PSMC5: variants seen among roughly 807,000 people sequenced by gnomAD.
PSMC5 encodes 26S proteasome regulatory subunit 8.
PSMC5 carries 11 observed loss-of-function variants against 49.1 expected under a neutral mutation model. The ratio of observed to expected loss-of-function variants is 0.22; its 90% CI spans 0.14 to 0.37. PSMC5 has a LOEUF of 0.37. Among genes scored for constraint, PSMC5 ranks in the 10% least tolerant of loss-of-function variants. The pLI, the probability that PSMC5 is intolerant of heterozygous loss-of-function variation, is 1.00. For synonymous variants in PSMC5, 206 were observed against 192.2 expected (o/e 1.07, Z -0.59); for missense variants, 229 against 520.9 (o/e 0.44, Z 5.45).
In PSMC5 at chr17:63,830,802, C is replaced by T; in HGVS notation, c.553-7C>T. 4 of 1,613,902 alleles carry T rather than the reference C, an allele frequency of 2.5e-6. No individual in the cohort carries two copies. The highest frequency in any genetic ancestry group is 3.4e-6 in the Non-Finnish European group (4 of 1,179,926). On this transcript the variant is annotated splice_region_variant and splice_polypyrimidine_tract_variant and intron_variant, in intron 6 of 11. Coordinates refer to ENST00000310144, the MANE Select transcript of PSMC5 (RefSeq NM_002805.6). This position sits in a 1 kb window ranked among gnomAD's most constrained non-coding sequence, Gnocchi z 4.0. The stretch of plus-strand genomic sequence containing the variant: ...TTTCTGCCCTGAGTCCTGCTGTTCC[C>T]CTGTAGGGAGTGCTGCTGTATGGAC...
intron 1 of PSMC5, chr17:63,827,775 C>T (rs540797823): frequency 7.0e-7 from 1 of 1,431,080 alleles, no homozygotes; most frequent in African/African-American, 1.4e-5. Context: ...GCCCACGGGT[C>T]GCAGGAGACG....
rs372100623 is a variant in PSMC5, at chr17:63,830,246, T to C, written c.322-25T>C. On this transcript the variant is annotated intron_variant, in intron 5 of 11. Transcript: ENST00000310144. The surrounding 1 kb of genome is among the most constrained non-coding windows in gnomAD (Gnocchi z 4.0). Reference sequence around the variant, plus strand: ...TGGGGTCAGCTCTTACTGTACCACTTCTGAAACTCGCCCCCTTCACCCAGG... The same window carrying C: ...TGGGGTCAGCTCTTACTGTACCACTCCTGAAACTCGCCCCCTTCACCCAGG... The C allele has an allele frequency of 5.0e-6, 8 of 1,614,116 alleles. No homozygotes were observed. Among genetic ancestry groups the C allele is most frequent in the Non-Finnish European group, 6.8e-6 (8 of 1,179,992 alleles).
Position 63,831,912 on chromosome 17 carries a change from CT to C in PSMC5, c.1168-3del. 6.2e-7 allele frequency: 1 copy of C among 1,614,010 alleles called. No individual in the cohort carries two copies. Among genetic ancestry groups the C allele is most frequent in the Non-Finnish European group, 8.5e-7 (1 of 1,179,862 alleles). On this transcript the variant is annotated splice_region_variant and splice_polypyrimidine_tract_variant and intron_variant, in intron 11 of 11. Coordinates refer to ENST00000310144, the MANE Select transcript of PSMC5 (RefSeq NM_002805.6). The surrounding 1 kb of genome is among the most constrained non-coding windows in gnomAD (Gnocchi z 6.3). ...TTAATGTTCATTCTCTCTCCCACCC[CT>C]AGGTCATGCAGAAGGACAGTGAGAA...
At chr17:63,827,927 G>C in intron 1 of PSMC5, 1 of 1,357,944 alleles carries the variant, frequency 7.4e-7, no homozygotes, top group Non-Finnish European at 9.7e-7. Flanking sequence ...GTATGAGGTA[G>C]GCGGCGTTCC....
Position 63,830,550 on chromosome 17 carries a change from T to A in PSMC5, c.552+49T>A. ...AGGGCCAAGCTGTACTTACTCCTCC[T>A]GCCCCAGCCAGCCCTACTGCAGGGG... On this transcript the variant is annotated intron_variant, in intron 6 of 11. Coordinates refer to ENST00000310144, the MANE Select transcript of PSMC5 (RefSeq NM_002805.6). This position sits in a 1 kb window ranked among gnomAD's most constrained non-coding sequence, Gnocchi z 4.0. The A allele has an allele frequency of 3.1e-6, 5 of 1,597,646 alleles. No individual in the cohort carries two copies. The highest frequency in any genetic ancestry group is 1.7e-4 in the Middle Eastern group (1 of 5,990).
rs2040170840 is a variant in PSMC5, at chr17:63,830,566, A to G, written c.552+65A>G. Reference sequence around the variant, plus strand: ...TACTCCTCCTGCCCCAGCCAGCCCTACTGCAGGGGTTGGGGAGGCACCGGG... The same window carrying G: ...TACTCCTCCTGCCCCAGCCAGCCCTGCTGCAGGGGTTGGGGAGGCACCGGG... On this transcript the variant is annotated intron_variant, in intron 6 of 11. Transcript: ENST00000310144. This position sits in a 1 kb window ranked among gnomAD's most constrained non-coding sequence, Gnocchi z 4.0. 1.3e-6 allele frequency: 2 copies of G among 1,580,510 alleles called. No homozygotes were observed. Among genetic ancestry groups the G allele is most frequent in the South Asian group, 1.1e-5 (1 of 88,062 alleles).
intron 1 of PSMC5, 84 bp downstream of exon 1, chr17:63,827,598 A>C: frequency 5.2e-6 from 8 of 1,550,236 alleles, no homozygotes; most frequent in Non-Finnish European, 7.0e-6. Flanking sequence ...GGGCCGGGGC[A>C]GGAGCGTCGG....
In PSMC5 at chr17:63,830,702, T is replaced by C; in HGVS notation, c.553-107T>C. On this transcript the variant is annotated intron_variant, in intron 6 of 11. Transcript: ENST00000310144. This position sits in a 1 kb window ranked among gnomAD's most constrained non-coding sequence, Gnocchi z 4.0. The stretch of plus-strand genomic sequence containing the variant: ...GAAGGGACCTTGATGTTCCTTTTTT[T>C]TTTTTGTATCCCTAACATCTAGCAA... 1 of 1,463,744 alleles carries C rather than the reference T, an allele frequency of 6.8e-7. No homozygotes were observed. The highest frequency in any genetic ancestry group is 1.4e-5 in the South Asian group (1 of 72,528). 90.7% of individuals were successfully genotyped at this position (1,463,744 alleles called of 1,614,324 possible).
chr17:63,829,926 G>C lies in PSMC5; in HGVS notation c.241G>C (p.Asp81His). Residue 81 changes from aspartate (D) to histidine (H), a missense_variant, in exon 4 of 12, where the codon GAT becomes CAT. By Grantham distance (81) the Asp-to-His change is moderately conservative. Transcript: ENST00000310144. ...SYVGEVVRAM[D>H]KKKVLVKVHP... Reference sequence around the variant, plus strand: ...TGTGGGGGAAGTAGTCCGGGCCATGGATAAGAAGAAAGTGTTGGTCAAGGT... The same window carrying C: ...TGTGGGGGAAGTAGTCCGGGCCATGCATAAGAAGAAAGTGTTGGTCAAGGT... 1.2e-6 allele frequency: 2 copies of C among 1,612,076 alleles called. No individual in the cohort carries two copies. Among genetic ancestry groups the C allele is most frequent in the Non-Finnish European group, 1.7e-6 (2 of 1,179,106 alleles).
At position 63,830,518 on chromosome 17, in the gene PSMC5, C is replaced by T. The variant is rs779502406; in HGVS notation, c.552+17C>T. 4 of 1,612,806 alleles carry T rather than the reference C, an allele frequency of 2.5e-6. No homozygotes were observed. The highest frequency in any genetic ancestry group is 4.5e-5 in the East Asian group (2 of 44,892). On this transcript the variant is annotated intron_variant, in intron 6 of 11. Coordinates refer to ENST00000310144, the MANE Select transcript of PSMC5 (RefSeq NM_002805.6). The surrounding 1 kb of genome is among the most constrained non-coding windows in gnomAD (Gnocchi z 4.0). ...CAGCCCAAGGTGAGGAGCAGGGCTT[C>T]TCTGAGAGGGCCAAGCTGTACTTAC...
Position 63,830,263 on chromosome 17 carries a change from T to A in PSMC5, c.322-8T>A, listed in dbSNP as rs1457442616. The A allele has an allele frequency of 6.2e-7, 1 of 1,614,118 alleles. No individual in the cohort carries two copies. The highest frequency in any genetic ancestry group is 1.7e-5 in the Admixed American group (1 of 60,002). On this transcript the variant is annotated splice_region_variant and splice_polypyrimidine_tract_variant and intron_variant, in intron 5 of 11. Coordinates refer to ENST00000310144, the MANE Select transcript of PSMC5 (RefSeq NM_002805.6). This position sits in a 1 kb window ranked among gnomAD's most constrained non-coding sequence, Gnocchi z 4.0. The stretch of plus-strand genomic sequence containing the variant: ...GTACCACTTCTGAAACTCGCCCCCT[T>A]CACCCAGGTGACACCCAATTGCCGG...
At position 63,831,494 on chromosome 17, in the gene PSMC5, T is replaced by A. The variant is rs1362317051; in HGVS notation, c.970-12T>A. 1 of 1,613,848 alleles carries A rather than the reference T, an allele frequency of 6.2e-7. No individual in the cohort carries two copies. On this transcript the variant is annotated splice_polypyrimidine_tract_variant and intron_variant, in intron 9 of 11. Transcript: ENST00000310144. The surrounding 1 kb of genome is among the most constrained non-coding windows in gnomAD (Gnocchi z 6.3). Reference sequence around the variant, plus strand: ...GGGGTGTGGGGCTCAGGCTTTTCCTTGCCATCTCCAGGCCCGGCTGGACAT... The same window carrying A: ...GGGGTGTGGGGCTCAGGCTTTTCCTAGCCATCTCCAGGCCCGGCTGGACAT...
rs1376932288 is a variant in PSMC5, at chr17:63,831,447, A to T, written c.969+22A>T. 4 of 1,613,234 alleles carry T rather than the reference A, an allele frequency of 2.5e-6. No homozygotes were observed. The highest frequency in any genetic ancestry group is 2.2e-5 in the South Asian group (2 of 91,068). ...GGAGGTTTGTGATGGACACTGTGCAAAGTGGCTCTGGCTGTGGGGGTGGGG... is the reference window on the plus strand; with the variant it reads ...GGAGGTTTGTGATGGACACTGTGCATAGTGGCTCTGGCTGTGGGGGTGGGG... On this transcript the variant is annotated intron_variant, in intron 9 of 11. Coordinates refer to ENST00000310144, the MANE Select transcript of PSMC5 (RefSeq NM_002805.6). The surrounding 1 kb of genome is among the most constrained non-coding windows in gnomAD (Gnocchi z 6.3).
rs752032093 is a variant in PSMC5 at position 63,830,522 on chromosome 17, G to A, written c.552+21G>A. Reference sequence around the variant, plus strand: ...CCAAGGTGAGGAGCAGGGCTTCTCTGAGAGGGCCAAGCTGTACTTACTCCT... The same window carrying A: ...CCAAGGTGAGGAGCAGGGCTTCTCTAAGAGGGCCAAGCTGTACTTACTCCT... On this transcript the variant is annotated intron_variant, in intron 6 of 11. Transcript: ENST00000310144. This position sits in a 1 kb window ranked among gnomAD's most constrained non-coding sequence, Gnocchi z 4.0. 6.2e-7 allele frequency: 1 copy of A among 1,612,390 alleles called. No homozygotes were observed. Among genetic ancestry groups the A allele is most frequent in the Non-Finnish European group, 8.5e-7 (1 of 1,179,556 alleles).
At chr17:63,829,677 A>G in intron 3 of PSMC5, 114 bp downstream of exon 3, 5 of 1,254,270 alleles carry the variant, frequency 4.0e-6, no homozygotes, top group Non-Finnish European at 4.5e-6. Flanking sequence ...GTCATCATCT[A>G]GTAGTTTCAC....
Position 63,830,006 on chromosome 17 carries a change from T to C in PSMC5, c.264+57T>C. 2 of 1,569,498 alleles carry C rather than the reference T, an allele frequency of 1.3e-6. No homozygotes were observed. The highest frequency in any genetic ancestry group is 1.7e-6 in the Non-Finnish European group (2 of 1,152,732). On this transcript the variant is annotated intron_variant, in intron 4 of 11. Transcript: ENST00000310144. The surrounding 1 kb of genome is among the most constrained non-coding windows in gnomAD (Gnocchi z 4.0). The stretch of plus-strand genomic sequence containing the variant: ...GGTCTCCACTGCATTCCCACCCCTT[T>C]GTGTGTAGCCTCGGGAGACAGGGTT...
rs1567755814 is a variant in PSMC5, at chr17:63,827,481, A to G, written c.-10A>G. 2.6e-6 allele frequency: 4 copies of G among 1,551,708 alleles called. No individual in the cohort carries two copies. The highest frequency in any genetic ancestry group is 8.7e-7 in the Non-Finnish European group (1 of 1,147,006). ...GCTCGGATGCCGGCGGTCTCTGCTGAAGAGAGAAGATGGCGCTTGACGGAC... is the reference window on the plus strand; with the variant it reads ...GCTCGGATGCCGGCGGTCTCTGCTGGAGAGAGAAGATGGCGCTTGACGGAC... On this transcript the variant is annotated 5_prime_UTR_variant, in exon 1 of 12. Coordinates refer to ENST00000310144, the MANE Select transcript of PSMC5 (RefSeq NM_002805.6).
chr17:63,827,552 G>A, intron 1 of PSMC5, 38 bp downstream of exon 1: 1 of 1,551,590 alleles, frequency 6.4e-7, no homozygotes, highest in Non-Finnish European at 8.7e-7. Context: ...AGGTTACGGG[G>A]CTGGGTGCGG....
At position 63,831,750 on chromosome 17, in the gene PSMC5, T is replaced by C; in HGVS notation, c.1107T>C (p.Tyr369=). ...GCGTGTGCACAGAAGCTGGCATGTATGCCCTGCGAGAACGGCGAGTCCATG... is the reference window on the plus strand; with the variant it reads ...GCGTGTGCACAGAAGCTGGCATGTACGCCCTGCGAGAACGGCGAGTCCATG... ...VKGVCTEAGM[Y]ALRERRVHVT... is the part of the protein sequence containing the mutation. The change falls in exon 11 of 12, where the codon TAT becomes TAC. Residue 369 remains tyrosine, a synonymous_variant. Transcript: ENST00000310144. The surrounding 1 kb of genome is among the most constrained non-coding windows in gnomAD (Gnocchi z 6.3). The C allele has an allele frequency of 6.2e-7, 1 of 1,614,196 alleles. No individual in the cohort carries two copies. The highest frequency in any genetic ancestry group is 8.5e-7 in the Non-Finnish European group (1 of 1,180,036).
Sources: gnomAD v4.1 joint callset for allele counts on GRCh38, gnomAD v4.1.1 for gene constraint, Gnocchi (gnomAD v3.1) non-coding constraint, MANE v1.5 for transcripts, NCBI Gene and HGNC (gene_info 2026-07-23, HGNC 2026-07-21) for gene names.